Variants in ZNF536 observed in about 807,000 individuals in gnomAD.
The protein encoded by ZNF536 is zinc finger protein 536.
ZNF536 carries 13 observed loss-of-function variants against 84.5 expected under a neutral mutation model. That is an observed-to-expected ratio of 0.15 (90% CI 0.10 to 0.24). The LOEUF (loss-of-function observed/expected upper bound fraction) is 0.24. Ranked by LOEUF, ZNF536 falls within the 10% of genes least tolerant of loss-of-function variation. The pLI is 1.00. For missense variants in ZNF536, 1,536 were observed against 1,747.5 expected (o/e 0.88, Z 2.16); for synonymous variants, 811 against 742.5 (o/e 1.09, Z -1.50).
chr19:30,654,502 G>A (rs148706263), intron 1 of ZNF536, among the ~76,000 whole-genome samples: 12 of 151,850 alleles, frequency 7.9e-5, no homozygotes, highest in Admixed American at 3.9e-4. Context: ...GTCAACATTC[G>A]TGGTTCCTAA....
At chr19:30,666,182 C>T (rs922294417) in intron 1 of ZNF536, among the ~76,000 whole-genome samples, 1 of 152,212 alleles carries the variant, frequency 6.6e-6, no homozygotes, top group African/African-American at 2.4e-5. Flanking sequence ...CACGGCTCAC[C>T]TGGTCTCCCA....
chr19:30,256,466 G>A (rs1056934370), intron 1 of ZNF536, among the ~76,000 whole-genome samples: 5 of 152,182 alleles, frequency 3.3e-5, no homozygotes, highest in Non-Finnish European at 7.3e-5. Context: ...TGGCAATAGC[G>A]ACGTATGTTT....
At chr19:30,278,505 C>G (rs2145587251) in intron 1 of ZNF536, among the ~76,000 whole-genome samples, 1 of 152,282 alleles carries the variant, frequency 6.6e-6, no homozygotes, top group East Asian at 1.9e-4. Context: ...CCAACTCTAG[C>G]AGGGCAGTCT....
chr19:30,659,754 C>G (rs1006528309), intron 1 of ZNF536, among the ~76,000 whole-genome samples: 1 of 150,832 alleles, frequency 6.6e-6, no homozygotes, highest in Admixed American at 6.6e-5. Context: ...CTGGCTCCAC[C>G]AGATTATTAC....
intron 1 of ZNF536, among the ~76,000 whole-genome samples, chr19:30,676,566 T>C (rs1359281601): frequency 6.6e-6 from 1 of 152,240 alleles, no homozygotes; most frequent in African/African-American, 2.4e-5. Context: ...AAATTATTCA[T>C]GTAGATTTTA....
At chr19:30,597,821 C>T (rs2047519569) in intron 1 of ZNF536, among the ~76,000 whole-genome samples, 2 of 151,890 alleles carry the variant, frequency 1.3e-5, no homozygotes, top group African/African-American at 4.8e-5. Flanking sequence ...ATAGTTGTTA[C>T]TATTGTTGCA....
rs573642711 is a variant in ZNF536 at position 30,451,621 on chromosome 19, G to A, written c.2170+5889G>A. On this transcript the variant is annotated intron_variant, in intron 2 of 4. Coordinates refer to ENST00000355537, the MANE Select transcript of ZNF536 (RefSeq NM_014717.3). ...TGTGGCATAAAATTGCAGAGGCAGAGCACCCTCTCTGCTCCAGCACTTAAC... is the reference window on the plus strand; with the variant it reads ...TGTGGCATAAAATTGCAGAGGCAGAACACCCTCTCTGCTCCAGCACTTAAC... Among the ~76,000 whole-genome samples the A allele has an allele frequency of 9.1e-4, 138 of 152,314 alleles. 1 individual carries two copies. Among genetic ancestry groups the A allele is most frequent in the Admixed American group, 8.3e-3 (127 of 15,300 alleles).
At chr19:30,640,529 G>A (rs921938266) in intron 1 of ZNF536, among the ~76,000 whole-genome samples, 1 of 152,148 alleles carries the variant, frequency 6.6e-6, no homozygotes, top group African/African-American at 2.4e-5. Context: ...CCAGTTCTAA[G>A]GACTGGCAAA....
intron 2 of ZNF536, among the ~76,000 whole-genome samples, chr19:30,307,192 A>T (rs1170375920): frequency 6.6e-6 from 1 of 152,066 alleles, no homozygotes; most frequent in Non-Finnish European, 1.5e-5. Context: ...GTCCCCTCAC[A>T]TATATTTATA....
chr19:30,411,410 A>C (rs372014295), intron 1 of ZNF536, among the ~76,000 whole-genome samples: 5 of 152,312 alleles, frequency 3.3e-5, no homozygotes, highest in African/African-American at 1.2e-4. Context: ...ATTTTTATTT[A>C]TACAACTTTA....
intron 2 of ZNF536, among the ~76,000 whole-genome samples, chr19:30,475,646 G>A (rs931288484): frequency 6.6e-6 from 1 of 152,136 alleles, no homozygotes; most frequent in Admixed American, 6.5e-5. Context: ...TCTGGGGTAG[G>A]CATGAAGAAA....
At chr19:30,440,055 G>T (rs1319438934) in intron 1 of ZNF536, among the ~76,000 whole-genome samples, 3 of 148,332 alleles carry the variant, frequency 2.0e-5, no homozygotes, top group Non-Finnish European at 4.4e-5. Context: ...CCACTTCCCG[G>T]GTTCCAGTGA....
At chr19:30,615,092 G>A (rs1299700152) in intron 1 of ZNF536, among the ~76,000 whole-genome samples, 3 of 146,220 alleles carry the variant, frequency 2.1e-5, no homozygotes, top group Non-Finnish European at 3.0e-5. Flanking sequence ...GACTACAGGT[G>A]CGCGCCACCA....
chr19:30,233,988 T>C (rs1377186387), intron 1 of ZNF536, among the ~76,000 whole-genome samples: 3 of 152,122 alleles, frequency 2.0e-5, no homozygotes, highest in African/African-American at 7.2e-5. Context: ...CAAGCACTCT[T>C]TGGGGTGGAC....
chr19:30,524,079 A>T (rs1599685054), intron 2 of ZNF536, among the ~76,000 whole-genome samples: 1 of 152,230 alleles, frequency 6.6e-6, no homozygotes, highest in African/African-American at 2.4e-5. Context: ...GCAGGCTCAC[A>T]AGCCATTTCA....
intron 2 of ZNF536, among the ~76,000 whole-genome samples, chr19:30,485,700 G>GT (rs1197571109): frequency 3.7e-5 from 5 of 133,768 alleles, no homozygotes; most frequent in African/African-American, 1.8e-4. Flanking sequence ...AGGCGGTGGG[G>GT]TGGGGGGAAA....
chr19:30,599,483 C>T (rs543653397), intron 1 of ZNF536, among the ~76,000 whole-genome samples: 49 of 120,084 alleles, frequency 4.1e-4, no homozygotes, highest in African/African-American at 1.5e-3. Context: ...TCCTTCCTTC[C>T]CTCCTTCCTT....
At chr19:30,481,115 A>G (rs1418819990) in intron 2 of ZNF536, among the ~76,000 whole-genome samples, 2 of 151,960 alleles carry the variant, frequency 1.3e-5, no homozygotes, top group East Asian at 3.9e-4. Context: ...CATTAAAGAT[A>G]AGATCATTTC....
chr19:30,700,463 C>T (rs891199903), intron 1 of ZNF536, among the ~76,000 whole-genome samples: 1 of 151,982 alleles, frequency 6.6e-6, no homozygotes. Flanking sequence ...CAACCACTCA[C>T]TGCAATCTCC....
Sources: allele counts gnomAD v4.1 joint callset (sites outside exome capture counted in the v4.1 genomes callset), GRCh38; gene constraint gnomAD v4.1.1; transcripts MANE v1.5; gene names NCBI Gene and HGNC (gene_info 2026-07-23, HGNC 2026-07-21).